ENOX1: variants seen among roughly 807,000 people sequenced by gnomAD.
ENOX1 encodes the protein candidate growth-related and time keeping constitutive hydroquinone (NADH) oxidase.
A neutral mutation model predicts 82.5 loss-of-function variants in ENOX1; 42 were observed. The observed-to-expected ratio is 0.51, with a 90% CI of 0.40 to 0.66. ENOX1 has a LOEUF of 0.66. ENOX1 is among the 30% of genes least tolerant of loss of function. The pLI is 0.00. For missense variants in ENOX1, 608 were observed against 811.6 expected, an observed-to-expected ratio of 0.75 and a Z score of 3.05; for synonymous variants, 271 against 282.2, an observed-to-expected ratio of 0.96 and a Z score of 0.40.
intron 2 of ENOX1, among the ~76,000 whole-genome samples, chr13:43,608,298 T>C (rs558545188): frequency 6.6e-6 from 1 of 152,326 alleles, no homozygotes; most frequent in South Asian, 2.1e-4. Flanking sequence ...CTGAAGTTAT[T>C]TCTATCCTAT....
chr13:43,454,259 AT>A (rs575583341), intron 3 of ENOX1, among the ~76,000 whole-genome samples: 291 of 142,146 alleles, frequency 2.0e-3, no homozygotes, highest in South Asian at 5.4e-3. Context: ...AGGGGAAACT[AT>A]TTTTTTTTTT....
intron 14 of ENOX1, among the ~76,000 whole-genome samples, chr13:43,241,686 G>C (rs1229393216): frequency 6.6e-6 from 1 of 152,130 alleles, no homozygotes; most frequent in Non-Finnish European, 1.5e-5. Context: ...GTGATACGTA[G>C]AAGGAATCAT....
At chr13:43,362,279 AT>A (rs1276229636) in intron 5 of ENOX1, among the ~76,000 whole-genome samples, 1 of 151,674 alleles carries the variant, frequency 6.6e-6, no homozygotes, top group African/African-American at 2.4e-5. Flanking sequence ...CAAAGGTGGC[AT>A]ACAGACACTA....
At chr13:43,500,457 G>A (rs1444934628) in intron 2 of ENOX1, among the ~76,000 whole-genome samples, 1 of 152,040 alleles carries the variant, frequency 6.6e-6, no homozygotes, top group Non-Finnish European at 1.5e-5. Flanking sequence ...AAAAAAAGTT[G>A]CCATCTAGAA....
At chr13:43,404,359 C>T (rs2053665867) in intron 5 of ENOX1, among the ~76,000 whole-genome samples, 1 of 152,206 alleles carries the variant, frequency 6.6e-6, no homozygotes, top group Non-Finnish European at 1.5e-5. Flanking sequence ...CTTTTCTCTT[C>T]TTTGAAGAGG....
At chr13:43,739,690 TAATA>T (rs1462700399) in intron 1 of ENOX1, among the ~76,000 whole-genome samples, 2 of 151,972 alleles carry the variant, frequency 1.3e-5, no homozygotes, top group African/African-American at 2.4e-5. Context: ...TGTATTTTAT[TAATA>T]AATAAGATGG....
chr13:43,570,419 G>A (rs969352953), intron 2 of ENOX1, among the ~76,000 whole-genome samples: 1 of 152,158 alleles, frequency 6.6e-6, no homozygotes, highest in Non-Finnish European at 1.5e-5. Context: ...CCAAATTTAG[G>A]AGCCAATGAA....
intron 2 of ENOX1, among the ~76,000 whole-genome samples, chr13:43,509,761 G>A (rs2077296520): frequency 6.6e-6 from 1 of 151,908 alleles, no homozygotes; most frequent in Non-Finnish European, 1.5e-5. Context: ...TTTGACACAG[G>A]CAAACATCTG....
At chr13:43,349,016 A>C (rs150149853) in intron 8 of ENOX1, among the ~76,000 whole-genome samples, 10 of 152,338 alleles carry the variant, frequency 6.6e-5, no homozygotes, top group African/African-American at 2.4e-4. Context: ...GGATCTTGGA[A>C]TGTATCCCCC....
chr13:43,702,331 A>G (rs1459772367), intron 1 of ENOX1, among the ~76,000 whole-genome samples: 1 of 152,216 alleles, frequency 6.6e-6, no homozygotes, highest in African/African-American at 2.4e-5. Context: ...TGAAGCAGGC[A>G]GATAGGGGAT....
intron 15 of ENOX1, 104 bp downstream of exon 15, chr13:43,236,532 C>A: frequency 1.6e-6 from 1 of 639,556 alleles, no homozygotes; most frequent in Non-Finnish European, 2.5e-6. Flanking sequence ...CACCTTTTAC[C>A]AGAAGGCAAT....
chr13:43,629,277 G>C (rs756622243), intron 2 of ENOX1, among the ~76,000 whole-genome samples: 1 of 152,184 alleles, frequency 6.6e-6, no homozygotes, highest in Non-Finnish European at 1.5e-5. Context: ...AAAGTGTTCT[G>C]TCTTGCTGCA....
intron 12 of ENOX1, among the ~76,000 whole-genome samples, chr13:43,282,608 G>C (rs112065183): frequency 5.9e-5 from 9 of 151,754 alleles, no homozygotes; most frequent in South Asian, 2.1e-4. Context: ...ATTTTTTATA[G>C]AGACAGAGTT....
chr13:43,344,617 A>G lies in ENOX1; in HGVS notation c.957T>C (p.Asn319=), dbSNP rs2049265497. 1 of 1,614,034 alleles carries G rather than the reference A, an allele frequency of 6.2e-7. No homozygotes were observed. Among genetic ancestry groups the G allele is most frequent in the Admixed American group, 1.7e-5 (1 of 60,000 alleles). ...SANSHVRRLM[N]EKATHEQEME... ...TCTCTTGCTCATGGGTGGCTTTTTC[A>G]TTCATTAGCCGGCGGACGTGGCTGT... The change falls in exon 9 of 17, where the codon AAT becomes AAC. Residue 319 remains asparagine, a synonymous_variant. Transcript: ENST00000690772.
chr13:43,365,544 C>T lies in ENOX1; in HGVS notation c.209-4092G>A, dbSNP rs115890443. 2.7e-3 allele frequency among the ~76,000 whole-genome samples: 407 copies of T among 149,504 alleles called. 1 individual carries two copies. The highest frequency in any genetic ancestry group is 1.0e-2 in the African/African-American group (388 of 38,984). Reference sequence around the variant, plus strand: ...CTGTCTACAGGTCACAGGGCCTGCACCCCCTGGTCCAGGGTTCAGACCCAG... The same window carrying T: ...CTGTCTACAGGTCACAGGGCCTGCATCCCCTGGTCCAGGGTTCAGACCCAG... On this transcript the variant is annotated intron_variant, in intron 5 of 16. Coordinates refer to ENST00000690772, the MANE Select transcript of ENOX1 (RefSeq NM_001347969.2).
At chr13:43,529,560 C>T (rs144442035) in intron 2 of ENOX1, among the ~76,000 whole-genome samples, 3 of 152,070 alleles carry the variant, frequency 2.0e-5, no homozygotes, top group African/African-American at 7.2e-5. Flanking sequence ...TGTCACATCT[C>T]TTCAAACTGC....
At chr13:43,261,617 A>G (rs2044063779) in intron 14 of ENOX1, among the ~76,000 whole-genome samples, 1 of 151,968 alleles carries the variant, frequency 6.6e-6, no homozygotes, top group South Asian at 2.1e-4. Flanking sequence ...AGACTGGATT[A>G]AGAAAATGTG....
At chr13:43,518,064 C>G (rs1371611222) in intron 2 of ENOX1, among the ~76,000 whole-genome samples, 2 of 152,076 alleles carry the variant, frequency 1.3e-5, no homozygotes, top group African/African-American at 4.8e-5. Flanking sequence ...AACATGGATC[C>G]TATGGGACAA....
intron 2 of ENOX1, among the ~76,000 whole-genome samples, chr13:43,612,766 A>C (rs1288939367): frequency 6.6e-6 from 1 of 152,224 alleles, no homozygotes; most frequent in Non-Finnish European, 1.5e-5. Context: ...AGCAAGCATT[A>C]TGATCTGTGC....
Sources: gnomAD v4.1 joint callset for allele counts (sites outside exome capture counted in the v4.1 genomes callset) on GRCh38, gnomAD v4.1.1 for gene constraint, MANE v1.5 for transcripts, NCBI Gene and HGNC (gene_info 2026-07-23, HGNC 2026-07-21) for gene names.